The following ADD3 variants were observed in gnomAD, a reference collection of about 807,000 sequenced individuals.
The protein encoded by ADD3 is adducin 3.
In ADD3, 25 loss-of-function variants were observed where a neutral mutation model predicts 80.2. That is an observed-to-expected ratio of 0.31 (90% CI 0.23 to 0.44). ADD3 has a LOEUF of 0.44. Ranked by LOEUF, ADD3 falls within the 20% of genes least tolerant of loss-of-function variation. ADD3 has a pLI of 1.00. For synonymous variants in ADD3, 284 were observed against 289.6 expected (o/e 0.98, Z 0.20); for missense variants, 829 against 847.5 (o/e 0.98, Z 0.27).
intron 1 of ADD3, among the ~76,000 whole-genome samples, chr10:110,047,312 T>G (rs956130919): frequency 6.6e-6 from 1 of 152,228 alleles, no homozygotes; most frequent in Non-Finnish European, 1.5e-5. Context: ...ATATTAGGCT[T>G]AGACAGTTTT....
At chr10:110,043,917 T>C (rs1036414888) in intron 1 of ADD3, among the ~76,000 whole-genome samples, 6 of 152,204 alleles carry the variant, frequency 3.9e-5, no homozygotes, top group Admixed American at 3.9e-4. Flanking sequence ...CTTATAAAAT[T>C]TGTTGAACAG....
In ADD3 at chr10:110,133,591, CA is replaced by C. The variant is rs760140619; in HGVS notation, c.2102del (p.Lys701ArgfsTer8). 1.5e-5 allele frequency: 23 copies of C among 1,578,892 alleles called. No homozygotes were observed. The highest frequency in any genetic ancestry group is 9.6e-5 in the Admixed American group (5 of 52,164). Reference protein sequence around the residue: ...FRTPSFLKKNKKKEKVEA With the variant: ...FRTPSFLKKNXKKEKVEA ...GCACTCCTTCTTTTCTGAAAAAGAACAAAAAAAAGGAGAAAGTTGAGGCCTA... is the reference window on the plus strand; with the variant it reads ...GCACTCCTTCTTTTCTGAAAAAGAACAAAAAAAGGAGAAAGTTGAGGCCTA... On this transcript the variant is annotated frameshift_variant, in exon 15 of 15. Transcript: ENST00000356080. LOFTEE classifies it high-confidence loss of function.
At chr10:110,017,624 T>G (rs1368320893) in intron 1 of ADD3, among the ~76,000 whole-genome samples, 3 of 152,170 alleles carry the variant, frequency 2.0e-5, no homozygotes, top group Non-Finnish European at 4.4e-5. Flanking sequence ...TTCTAAATAT[T>G]TTTATGTGGT....
intron 12 of ADD3, among the ~76,000 whole-genome samples, chr10:110,129,989 G>A (rs1350769097): frequency 6.6e-6 from 1 of 151,890 alleles, no homozygotes; most frequent in Non-Finnish European, 1.5e-5. Flanking sequence ...ACTACTTTTG[G>A]TACAGTTTCA....
At chr10:110,046,140 T>C (rs753229831) in intron 1 of ADD3, among the ~76,000 whole-genome samples, 16 of 152,192 alleles carry the variant, frequency 1.1e-4, no homozygotes, top group Non-Finnish European at 2.4e-4. Flanking sequence ...GTACCATAGA[T>C]TGAGGTCTGC....
chr10:110,001,440 G>C (rs1289445384), upstream of ADD3, among the ~76,000 whole-genome samples: 5 of 151,732 alleles, frequency 3.3e-5, no homozygotes, highest in African/African-American at 1.2e-4. Flanking sequence ...AAAATTACTA[G>C]GACTCAGAGA....
At chr10:110,081,947 G>C (rs1846105305) in intron 1 of ADD3, among the ~76,000 whole-genome samples, 1 of 152,154 alleles carries the variant, frequency 6.6e-6, no homozygotes, top group Non-Finnish European at 1.5e-5. Flanking sequence ...GGCAAAATCA[G>C]TCAAATAGAT....
At chr10:110,071,015 T>C (rs1844634547) in intron 1 of ADD3, among the ~76,000 whole-genome samples, 1 of 144,024 alleles carries the variant, frequency 6.9e-6, no homozygotes, top group Non-Finnish European at 1.5e-5. Context: ...CTTTGCCTCC[T>C]ACCTATCCAA....
intron 1 of ADD3, among the ~76,000 whole-genome samples, chr10:110,082,701 C>T (rs72828286): frequency 0.024 from 3,669 of 152,268 alleles, 70 homozygotes; most frequent in Non-Finnish European, 0.039. Context: ...ATTATTTGTA[C>T]GTGGTCTCAA....
chr10:110,079,034 C>T (rs1017910537), intron 1 of ADD3, among the ~76,000 whole-genome samples: 1 of 151,796 alleles, frequency 6.6e-6, no homozygotes, highest in African/African-American at 2.4e-5. Flanking sequence ...GTGAATCTGC[C>T]CCTCAGTCTC....
At chr10:110,006,182 G>C (rs1851620286), upstream of ADD3, 1 of 153,544 alleles carries the variant, frequency 6.5e-6, no homozygotes. Context: ...ATTTTGTCCA[G>C]AAACTGTGAG....
intron 5 of ADD3, among the ~76,000 whole-genome samples, chr10:110,117,690 A>T (rs539018664): frequency 6.6e-6 from 1 of 151,086 alleles, no homozygotes; most frequent in South Asian, 2.1e-4. Context: ...CACCCTATAC[A>T]CTCAGAAATT....
chr10:110,101,798 C>G (rs186748225), intron 2 of ADD3, among the ~76,000 whole-genome samples: 2 of 152,166 alleles, frequency 1.3e-5, no homozygotes, highest in Non-Finnish European at 2.9e-5. Flanking sequence ...ATTTAAAATG[C>G]AAAATGAATT....
rs191133015 is a variant in ADD3 at position 110,056,948 on chromosome 10, T to C, written c.-29-43677T>C. ...ATGGGAAGATGGGATTATAATTAGG[T>C]TAGTTTTCGTTCTTTCTAGACCCAT... On this transcript the variant is annotated intron_variant, in intron 1 of 14. Transcript: ENST00000356080. 1.8e-4 allele frequency among the ~76,000 whole-genome samples: 27 copies of C among 152,272 alleles called. No individual in the cohort carries two copies. In the East Asian group the frequency reaches 5.2e-3, roughly 29 times the overall value.
In ADD3 at chr10:110,122,272, A is replaced by G; in HGVS notation, c.1123A>G (p.Met375Val). The change falls in exon 9 of 15, where the codon ATG (methionine) becomes GTG (valine). Residue 375 changes from methionine to valine, a missense_variant. By Grantham distance (21) the Met-to-Val change is conservative. Coordinates refer to ENST00000356080, the MANE Select transcript of ADD3 (RefSeq NM_016824.5). ...TGGCGAAATTGAGTTTGAAGGGCTT[A>G]TGAGGACTCTGGACAACTTGGTAGG... ...KVGEIEFEGL[M>V]RTLDNLGYRT... 1 of 1,614,052 alleles carries G rather than the reference A, an allele frequency of 6.2e-7. No homozygotes were observed.
intron 1 of ADD3, among the ~76,000 whole-genome samples, chr10:110,084,093 A>G (rs1377931343): frequency 6.6e-6 from 1 of 152,202 alleles, no homozygotes; most frequent in Non-Finnish European, 1.5e-5. Flanking sequence ...GTCCTACTTC[A>G]AGCTGGAATT....
chr10:110,069,021 T>G (rs1589970772), intron 1 of ADD3, among the ~76,000 whole-genome samples: 1 of 151,864 alleles, frequency 6.6e-6, no homozygotes, highest in South Asian at 2.1e-4. Context: ...GTGGCTGCAG[T>G]GAGCCATGAT....
intron 11 of ADD3, 120 bp downstream of exon 11, chr10:110,126,065 T>C: frequency 9.8e-7 from 1 of 1,024,860 alleles, no homozygotes; most frequent in Non-Finnish European, 1.4e-6. Context: ...ATTTGGAATT[T>C]AATTCAGTAT....
At chr10:110,095,847 C>G (rs1194142760) in intron 1 of ADD3, among the ~76,000 whole-genome samples, 3 of 152,090 alleles carry the variant, frequency 2.0e-5, no homozygotes, top group African/African-American at 7.2e-5. Flanking sequence ...TGAAAAAAGC[C>G]AATCCCCAAA....
Sources: allele counts gnomAD v4.1 joint callset (sites outside exome capture counted in the v4.1 genomes callset), GRCh38; gene constraint gnomAD v4.1.1; transcripts MANE v1.5; gene names NCBI Gene and HGNC (gene_info 2026-07-23, HGNC 2026-07-21).